Variants in RYR3 observed in about 807,000 individuals in gnomAD.
The protein encoded by RYR3 is brain ryanodine receptor-calcium release channel.
A neutral mutation model predicts 584.3 loss-of-function variants in RYR3; 207 were observed. That is an observed-to-expected ratio of 0.35 (90% CI 0.32 to 0.40). The LOEUF (loss-of-function observed/expected upper bound fraction) is 0.40, where lower values mean the gene tolerates loss of function less well. RYR3 is among the 10% of genes least tolerant of loss of function. The pLI is 1.00. For missense variants in RYR3, 5,616 were observed against 6,089.2 expected (o/e 0.92, Z 2.59); for synonymous variants, 2,416 against 2,248.5 (o/e 1.07, Z -2.11).
At chr15:33,316,578 T>G (rs888166697) in intron 1 of RYR3, among the ~76,000 whole-genome samples, 2 of 152,206 alleles carry the variant, frequency 1.3e-5, no homozygotes, top group Non-Finnish European at 2.9e-5. Context: ...CAAGAATTCC[T>G]ATTTTTAGGT....
In RYR3 at chr15:33,427,732, A is replaced by G. The variant is rs576735435; in HGVS notation, c.52-45687A>G. On this transcript the variant is annotated intron_variant, in intron 1 of 103. Transcript: ENST00000634891. ...CGAGCAGTCAGTGGTATCACAATGA[A>G]AGCCAGATGTAGAAAGAGCAGGTTG... 1.9e-4 allele frequency among the ~76,000 whole-genome samples: 29 copies of G among 152,336 alleles called. No homozygotes were observed. In the South Asian group the frequency reaches 5.6e-3, roughly 29 times the overall value.
At position 33,825,486 on chromosome 15, in the gene RYR3, G is replaced by C. The variant is rs143907406; in HGVS notation, c.11073-117G>C. ...CTTGCAACCACCCTGGAATGTGTTA[G>C]TTTATTTACGATAACACAGGGGCAG... On this transcript the variant is annotated intron_variant, in intron 81 of 103. Coordinates refer to ENST00000634891, the MANE Select transcript of RYR3 (RefSeq NM_001036.6). 3.9e-4 allele frequency: 253 copies of C among 653,106 alleles called. 3 individuals are homozygous for C. Among genetic ancestry groups the C allele is most frequent in the Admixed American group, 5.5e-4 (19 of 34,402 alleles). The allele number at this position is 653,106 out of a possible 1,614,324, so 40.5% of individuals were successfully genotyped here.
At chr15:33,538,802 A>G (rs1255585186) in intron 5 of RYR3, among the ~76,000 whole-genome samples, 1 of 152,046 alleles carries the variant, frequency 6.6e-6, no homozygotes, top group East Asian at 1.9e-4. Context: ...TTCACTTTTT[A>G]TTGGCTAAAA....
intron 2 of RYR3, among the ~76,000 whole-genome samples, chr15:33,476,969 T>C (rs2049440059): frequency 2.0e-5 from 3 of 152,198 alleles, no homozygotes; most frequent in Admixed American, 6.5e-5. Flanking sequence ...ACCCTCTCTT[T>C]TGGCTGGTTG....
intron 1 of RYR3, among the ~76,000 whole-genome samples, chr15:33,391,446 T>G (rs1459472817): frequency 1.3e-5 from 2 of 151,802 alleles, no homozygotes; most frequent in Non-Finnish European, 2.9e-5. Context: ...GCTAACACGG[T>G]GAAACCCCAT....
rs753905965 is a variant in RYR3, at chr15:33,755,052, A to G, written c.8400-13A>G. 9.3e-6 allele frequency: 14 copies of G among 1,509,702 alleles called. No homozygotes were observed. The East Asian group carries it at 1.4e-4, about 15-fold the overall frequency. 93.5% of individuals were successfully genotyped at this position (1,509,702 alleles called of 1,614,324 possible). Reference sequence around the variant, plus strand: ...CTCTGTTACTTCCTGGGGTCTGTCCATGTCCAACGTAGGGGTATGAAGGAT... The same window carrying G: ...CTCTGTTACTTCCTGGGGTCTGTCCGTGTCCAACGTAGGGGTATGAAGGAT... On this transcript the variant is annotated splice_polypyrimidine_tract_variant and intron_variant, in intron 57 of 103. Transcript: ENST00000634891.
At chr15:33,318,111 T>A (rs2140498151) in intron 1 of RYR3, among the ~76,000 whole-genome samples, 1 of 152,368 alleles carries the variant, frequency 6.6e-6, no homozygotes, top group East Asian at 1.9e-4. Flanking sequence ...TGCTGCTGCT[T>A]ATTTCAGAGT....
rs745473265 is a variant in RYR3 at position 33,613,335 on chromosome 15, G to A, written c.2317G>A (p.Gly773Arg). The stretch of plus-strand genomic sequence containing the variant: ...GATGTTTGAGAACTTCAACACAGAC[G>A]GGCTCTTCTTCCCTGTGATGAGCTT... ...QGMFENFNTD[G>R]LFFPVMSFSA... The change falls in exon 19 of 104, where the codon GGG (glycine) becomes AGG (arginine). Residue 773 changes from glycine (G) to arginine (R), a missense_variant. Coordinates refer to ENST00000634891, the MANE Select transcript of RYR3 (RefSeq NM_001036.6). 4 of 1,612,746 alleles carry A rather than the reference G, an allele frequency of 2.5e-6. No homozygotes were observed. Among genetic ancestry groups the A allele is most frequent in the South Asian group, 1.1e-5 (1 of 90,890 alleles).
chr15:33,838,764 A>C lies in RYR3; in HGVS notation c.12784A>C (p.Thr4262Pro). 6.2e-7 allele frequency: 1 copy of C among 1,613,870 alleles called. No homozygotes were observed. The highest frequency in any genetic ancestry group is 2.2e-5 in the East Asian group (1 of 44,882). ...AGAGGTGATGGAGCCAGGTATCACC[A>C]CTGAACTAGTACACTTCATAAAGGG... is the stretch of plus-strand genomic sequence containing the variant. Reference protein sequence around the residue: ...RAEVMEPGITTELVHFIKGEK... With the variant: ...RAEVMEPGITPELVHFIKGEK... Residue 4262 changes from threonine (T) to proline (P), a missense_variant, in exon 89 of 104, where the codon ACT becomes CCT. By Grantham distance (38) the Thr-to-Pro change is conservative. Transcript: ENST00000634891.
intron 12 of RYR3, among the ~76,000 whole-genome samples, chr15:33,573,296 A>G (rs1313531455): frequency 6.6e-6 from 1 of 152,212 alleles, no homozygotes; most frequent in African/African-American, 2.4e-5. Context: ...AGAAAAAAAC[A>G]TTTTGAAGTA....
At chr15:33,438,871 C>T (rs1359782364) in intron 1 of RYR3, among the ~76,000 whole-genome samples, 4 of 152,110 alleles carry the variant, frequency 2.6e-5, no homozygotes, top group African/African-American at 9.7e-5. Context: ...AAACAGTAAT[C>T]TACACTTTAC....
intron 38 of RYR3, among the ~76,000 whole-genome samples, chr15:33,676,168 A>G (rs76701735): frequency 2.9e-4 from 44 of 152,018 alleles, no homozygotes; most frequent in Non-Finnish European, 5.0e-4. Context: ...GATATGCAAC[A>G]TGAAAAGGGT....
rs1445341139 is a variant in RYR3 at position 33,584,529 on chromosome 15, G to A, written c.1669+39G>A. ...GGAAACTATAACTAGAAAAGATGAAGGGTTTTTTTTTTCTTTCTGTAAAAA... is the reference window on the plus strand; with the variant it reads ...GGAAACTATAACTAGAAAAGATGAAAGGTTTTTTTTTTCTTTCTGTAAAAA... On this transcript the variant is annotated intron_variant, in intron 15 of 103. Transcript: ENST00000634891. The A allele has an allele frequency of 7.5e-6, 7 of 932,748 alleles. No individual in the cohort carries two copies. In the Admixed American group the frequency reaches 1.4e-4, roughly 18 times the overall value. The allele number at this position is 932,748 out of a possible 1,614,324, so 57.8% of individuals were successfully genotyped here.
intron 11 of RYR3, among the ~76,000 whole-genome samples, chr15:33,565,122 T>G (rs2057636436): frequency 6.6e-6 from 1 of 152,056 alleles, no homozygotes; most frequent in Middle Eastern, 3.4e-3. Flanking sequence ...CCTTAGGAAC[T>G]GGCTGCTGAG....
intron 48 of RYR3, among the ~76,000 whole-genome samples, chr15:33,735,785 A>G (rs1265103967): frequency 1.3e-5 from 2 of 152,190 alleles, no homozygotes; most frequent in African/African-American, 2.4e-5. Flanking sequence ...GGCCCAGATC[A>G]TAAGGCGGAG....
chr15:33,731,328 G>A (rs767010357), intron 47 of RYR3, 146 bp from the exon 48 acceptor site: 21 of 543,432 alleles, frequency 3.9e-5, no homozygotes, highest in Middle Eastern at 4.7e-4. Context: ...TAGAACTGCC[G>A]ATAAGGTAGA....
intron 1 of RYR3, among the ~76,000 whole-genome samples, chr15:33,339,664 C>T (rs189867968): frequency 0.019 from 2,878 of 152,064 alleles, 95 homozygotes; most frequent in African/African-American, 0.066. Flanking sequence ...CCGAGGCGGG[C>T]GGATCACGAG....
At chr15:33,501,587 C>A (rs905834842) in intron 2 of RYR3, among the ~76,000 whole-genome samples, 7 of 152,102 alleles carry the variant, frequency 4.6e-5, no homozygotes, top group African/African-American at 1.7e-4. Context: ...AAGAAACAAG[C>A]AAACTATGGC....
intron 38 of RYR3, among the ~76,000 whole-genome samples, chr15:33,675,043 C>T (rs564813602): frequency 7.9e-5 from 12 of 152,100 alleles, no homozygotes; most frequent in Non-Finnish European, 1.2e-4. Flanking sequence ...TGCAGTGAGC[C>T]GAGATAGTGC....
Sources: allele counts gnomAD v4.1 joint callset (sites outside exome capture counted in the v4.1 genomes callset), GRCh38; gene constraint gnomAD v4.1.1; transcripts MANE v1.5; gene names NCBI Gene and HGNC (gene_info 2026-07-23, HGNC 2026-07-21).